The following MAGI1 variants were observed in gnomAD, a reference collection of about 807,000 sequenced individuals.
The protein encoded by MAGI1 is membrane-associated guanylate kinase, WW and PDZ domain-containing protein 1.
A neutral mutation model predicts 139.9 loss-of-function variants in MAGI1; 58 were observed. The observed-to-expected ratio is 0.41, with a 90% confidence interval of 0.34 to 0.52. The LOEUF (loss-of-function observed/expected upper bound fraction) is 0.52, where lower values mean the gene tolerates loss of function less well. MAGI1 is among the 20% of genes least tolerant of loss of function. The pLI, the probability that MAGI1 is intolerant of heterozygous loss-of-function variation, is 0.12. For missense variants in MAGI1, 1,874 were observed against 1,901.6 expected, an observed-to-expected ratio of 0.99 and a Z score of 0.27; for synonymous variants, 812 against 737.9, an observed-to-expected ratio of 1.10 and a Z score of -1.63.
At chr3:65,691,302 CAAA>C (rs752329892) in intron 1 of MAGI1, among the ~76,000 whole-genome samples, 1 of 74,714 alleles carries the variant, frequency 1.3e-5, no homozygotes, top group Non-Finnish European at 3.1e-5. Flanking sequence ...GACTCCGTCT[CAAA>C]AAAAAAAAAA....
rs142347799 is a variant in MAGI1 at position 65,841,352 on chromosome 3, A to C, written c.313+196644T>G. ...TTGCTCCTCGTCTTCTAGTTTCTTG[A>C]TGTAGGGGCTCCAAACTGTTATTTG... is the stretch of plus-strand genomic sequence containing the variant. On this transcript the variant is annotated intron_variant, in intron 1 of 22. Coordinates refer to ENST00000402939, the MANE Select transcript of MAGI1 (RefSeq NM_001033057.2). 7.9e-3 allele frequency among the ~76,000 whole-genome samples: 1,195 copies of C among 151,256 alleles called. 12 individuals are homozygous for C. Among genetic ancestry groups the C allele is most frequent in the Non-Finnish European group, 0.011 (767 of 67,878 alleles).
At chr3:65,367,460 T>C (rs1469175874) in intron 18 of MAGI1, among the ~76,000 whole-genome samples, 1 of 152,174 alleles carries the variant, frequency 6.6e-6, no homozygotes, top group Non-Finnish European at 1.5e-5. Flanking sequence ...ATAGTAAAAT[T>C]AACATTTAGC....
intron 12 of MAGI1, among the ~76,000 whole-genome samples, chr3:65,426,717 G>A (rs111854180): frequency 3.3e-5 from 5 of 152,230 alleles, no homozygotes; most frequent in African/African-American, 4.8e-5. Flanking sequence ...ACTAATGTAT[G>A]GCAGAAACAG....
At chr3:65,417,265 T>C (rs1946293748) in intron 12 of MAGI1, among the ~76,000 whole-genome samples, 1 of 152,232 alleles carries the variant, frequency 6.6e-6, no homozygotes, top group South Asian at 2.1e-4. Flanking sequence ...CAAACCACCA[T>C]GGCACACATT....
At chr3:65,519,182 G>T (rs1576157492) in intron 2 of MAGI1, among the ~76,000 whole-genome samples, 1 of 152,140 alleles carries the variant, frequency 6.6e-6, no homozygotes, top group East Asian at 1.9e-4. Context: ...TGCGGTTTTT[G>T]CCATTACTTT....
intron 2 of MAGI1, among the ~76,000 whole-genome samples, chr3:65,545,383 A>G (rs1053931944): frequency 6.6e-6 from 1 of 152,208 alleles, no homozygotes; most frequent in African/African-American, 2.4e-5. Flanking sequence ...AAAAATGTAT[A>G]TACATGGAAC....
chr3:65,910,172 A>T (rs1015857675), intron 1 of MAGI1, among the ~76,000 whole-genome samples: 1 of 152,228 alleles, frequency 6.6e-6, no homozygotes, highest in East Asian at 1.9e-4. Context: ...CCTTCTGTCT[A>T]TGTTTGGATA....
intron 4 of MAGI1, among the ~76,000 whole-genome samples, chr3:65,472,500 A>C (rs920916066): frequency 6.6e-6 from 1 of 152,224 alleles, no homozygotes; most frequent in Non-Finnish European, 1.5e-5. Flanking sequence ...AAAAGAAAAA[A>C]TGATGTAGAA....
intron 1 of MAGI1, among the ~76,000 whole-genome samples, chr3:65,796,067 A>G (rs1178768955): frequency 3.5e-5 from 5 of 141,382 alleles, no homozygotes; most frequent in Admixed American, 7.9e-5. Flanking sequence ...AAAAAAAAAA[A>G]AAAGAAAAGA....
At chr3:65,360,208 C>T (rs192686262) in intron 22 of MAGI1, 1 of 985,296 alleles carries the variant, frequency 1.0e-6, no homozygotes, top group Non-Finnish European at 1.2e-6. Context: ...TGCAGAATGA[C>T]TTTCAGAAAA....
chr3:65,922,681 G>T (rs1016243025), intron 1 of MAGI1, among the ~76,000 whole-genome samples: 1 of 152,150 alleles, frequency 6.6e-6, no homozygotes, highest in African/African-American at 2.4e-5. Context: ...TATTACAGCA[G>T]CCCAGGGAAA....
intron 1 of MAGI1, among the ~76,000 whole-genome samples, chr3:65,684,183 A>C (rs947310295): frequency 6.7e-6 from 1 of 149,876 alleles, no homozygotes; most frequent in Non-Finnish European, 1.5e-5. Flanking sequence ...AAAAAAAAAA[A>C]AAAGAAAAGA....
intron 1 of MAGI1, among the ~76,000 whole-genome samples, chr3:65,900,910 G>A (rs2061202795): frequency 6.6e-6 from 1 of 152,168 alleles, no homozygotes; most frequent in Non-Finnish European, 1.5e-5. Context: ...TAGGAGTGTG[G>A]ACAGCCAGGC....
intron 2 of MAGI1, among the ~76,000 whole-genome samples, chr3:65,495,629 A>C (rs1952375648): frequency 6.6e-6 from 1 of 152,224 alleles, no homozygotes; most frequent in Admixed American, 6.5e-5. Context: ...AAATAAATAT[A>C]GCATATAATA....
chr3:65,508,390 T>C (rs947077877), intron 2 of MAGI1, among the ~76,000 whole-genome samples: 6 of 151,736 alleles, frequency 4.0e-5, no homozygotes, highest in East Asian at 3.9e-4. Context: ...GGTGACAGAG[T>C]GAGACTCTGT....
chr3:65,804,848 A>C (rs1575561721), intron 1 of MAGI1, among the ~76,000 whole-genome samples: 1 of 152,324 alleles, frequency 6.6e-6, no homozygotes, highest in East Asian at 1.9e-4. Context: ...TGGATTCCCT[A>C]TTTAATAAAT....
chr3:65,890,352 G>A (rs556311087), intron 1 of MAGI1, among the ~76,000 whole-genome samples: 110 of 152,240 alleles, frequency 7.2e-4, no homozygotes, highest in African/African-American at 1.1e-3. Context: ...GCGACAGAGC[G>A]AGACTCCGTC....
chr3:65,667,454 G>A (rs2107438726), intron 1 of MAGI1, among the ~76,000 whole-genome samples: 1 of 152,338 alleles, frequency 6.6e-6, no homozygotes, highest in East Asian at 1.9e-4. Context: ...AGTGTGATGT[G>A]TGTTTTGCAC....
intron 3 of MAGI1, among the ~76,000 whole-genome samples, chr3:65,490,661 C>T (rs138331891): frequency 1.0e-3 from 158 of 151,738 alleles, no homozygotes; most frequent in Admixed American, 1.7e-3. Flanking sequence ...CTGGCCAACA[C>T]GGTGAAACCC....
Sources: gnomAD v4.1 joint callset for allele counts (sites outside exome capture counted in the v4.1 genomes callset) on GRCh38, gnomAD v4.1.1 for gene constraint, MANE v1.5 for transcripts, NCBI Gene and HGNC (gene_info 2026-07-23, HGNC 2026-07-21) for gene names.